DIAPH1: variants seen among roughly 807,000 people sequenced by gnomAD.
DIAPH1 encodes the protein protein diaphanous homolog 1.
DIAPH1 carries 46 observed loss-of-function variants against 140.7 expected under a neutral mutation model. The ratio of observed to expected loss-of-function variants is 0.33; its 90% CI spans 0.26 to 0.42. The LOEUF is 0.42. Ranked by LOEUF, DIAPH1 falls within the 10% of genes least tolerant of loss-of-function variation. The pLI is 1.00. For missense variants in DIAPH1, 1,310 were observed against 1,558.7 expected (o/e 0.84, Z 2.69); for synonymous variants, 565 against 551.6 (o/e 1.02, Z -0.34).
At chr5:141,588,323 A>G (rs1190696240) in intron 1 of DIAPH1, 73 bp from the exon 2 acceptor site, 4 of 1,132,228 alleles carry the variant, frequency 3.5e-6, no homozygotes, top group Non-Finnish European at 5.4e-6. Context: ...CCCAAACACC[A>G]GACGGGTTGG....
intron 18 of DIAPH1, 67 bp downstream of exon 18, chr5:141,571,361 T>C: frequency 7.7e-7 from 1 of 1,305,456 alleles, no homozygotes; most frequent in South Asian, 1.3e-5. Flanking sequence ...GAAATTCCTT[T>C]ATATCTATTT....
chr5:141,583,156 G>C (rs779061714), intron 6 of DIAPH1, 50 bp downstream of exon 6: 2 of 1,502,550 alleles, frequency 1.3e-6, no homozygotes, highest in African/African-American at 2.8e-5. Context: ...AAATAGCCAA[G>C]TCCCCTGTGA....
chr5:141,616,477 T>C (rs2099902694), intron 1 of DIAPH1, among the ~76,000 whole-genome samples: 1 of 152,174 alleles, frequency 6.6e-6, no homozygotes, highest in South Asian at 2.1e-4. Flanking sequence ...TTTTAGCCTA[T>C]AGTTCAAGAA....
chr5:141,568,021 C>A (rs1324283500), intron 18 of DIAPH1, among the ~76,000 whole-genome samples: 1 of 152,140 alleles, frequency 6.6e-6, no homozygotes, highest in Non-Finnish European at 1.5e-5. Context: ...CATAACACAC[C>A]TCTTACTTTA....
intron 6 of DIAPH1, 125 bp downstream of exon 6, chr5:141,583,081 T>A (rs2099897016): frequency 1.2e-6 from 1 of 857,650 alleles, no homozygotes; most frequent in Non-Finnish European, 2.0e-6. Context: ...AAACCCCTTC[T>A]TGGCTAACAG....
At chr5:141,581,710 A>G (rs957776439) in intron 7 of DIAPH1, among the ~76,000 whole-genome samples, 9 of 152,170 alleles carry the variant, frequency 5.9e-5, no homozygotes, top group African/African-American at 2.2e-4. Flanking sequence ...TAAAGCAAAT[A>G]TTGCAGAGAC....
Position 141,527,560 on chromosome 5 carries a change from C to T in DIAPH1, c.3273+13G>A. On this transcript the variant is annotated intron_variant, in intron 24 of 27. Transcript: ENST00000389054. ...TTCCTAGGGAACAACTCCCTCCTTTCAAGAGAGGATATGGTCATTTTTTCA... is the reference window on the plus strand; with the variant it reads ...TTCCTAGGGAACAACTCCCTCCTTTTAAGAGAGGATATGGTCATTTTTTCA... The T allele has an allele frequency of 6.2e-7, 1 of 1,613,582 alleles. No individual in the cohort carries two copies.
chr5:141,525,768 A>G (rs1365814612), intron 26 of DIAPH1, among the ~76,000 whole-genome samples: 2 of 152,224 alleles, frequency 1.3e-5, no homozygotes, highest in African/African-American at 2.4e-5. Flanking sequence ...AAAACAGTAT[A>G]TATCACAGCA....
intron 18 of DIAPH1, chr5:141,561,903 AAGGT>A (rs1161103118): frequency 6.6e-6 from 1 of 152,262 alleles, no homozygotes; most frequent in Non-Finnish European, 1.5e-5. Flanking sequence ...AGAAAAAAAT[AAGGT>A]AGGCCACTCC....
At chr5:141,592,869 T>C (rs1437340981) in intron 1 of DIAPH1, among the ~76,000 whole-genome samples, 2 of 152,210 alleles carry the variant, frequency 1.3e-5, no homozygotes, top group East Asian at 1.9e-4. Flanking sequence ...TCCAGATTAA[T>C]AGGAACTTTC....
In DIAPH1 at chr5:141,526,085, C is replaced by G. The variant is rs769436448; in HGVS notation, c.3527G>C (p.Arg1176Pro). 3 of 1,613,944 alleles carry G rather than the reference C, an allele frequency of 1.9e-6. No homozygotes were observed. The highest frequency in any genetic ancestry group is 8.5e-7 in the Non-Finnish European group (1 of 1,180,038). ...KLAKEKAEKE[R>P]LEKQQKREQL... ...CTCTCTCTTCTGCTGCTTCTCTAGC[C>G]GCTCCTTCTCTGCCTTCTCCTTGGC... is the stretch of plus-strand genomic sequence containing the variant. Residue 1176 changes from arginine to proline, a missense_variant, in exon 26 of 28, where the codon CGG (arginine) becomes CCG (proline). Physicochemically the swap from Arg to Pro is moderately radical, Grantham distance 103. Transcript: ENST00000389054.
chr5:141,567,913 TA>T (rs1562315566), intron 18 of DIAPH1, among the ~76,000 whole-genome samples: 1 of 152,232 alleles, frequency 6.6e-6, no homozygotes, highest in Non-Finnish European at 1.5e-5. Flanking sequence ...TATTTTTTAA[TA>T]AAATTCTCAA....
chr5:141,582,392 T>C lies in DIAPH1; in HGVS notation c.621-17A>G, dbSNP rs1233884116. On this transcript the variant is annotated splice_polypyrimidine_tract_variant and intron_variant, in intron 6 of 27. Coordinates refer to ENST00000389054, the MANE Select transcript of DIAPH1 (RefSeq NM_005219.5). ...TCGTAACTCCTGTATATAGAAGACA[T>C]AATCAGTGAGGTCCCTTTATTCTCT... 7 of 1,592,926 alleles carry C rather than the reference T, an allele frequency of 4.4e-6. No individual in the cohort carries two copies. Among genetic ancestry groups the C allele is most frequent in the Non-Finnish European group, 6.0e-6 (7 of 1,160,672 alleles).
intron 1 of DIAPH1, among the ~76,000 whole-genome samples, chr5:141,592,531 G>C (rs937077295): frequency 1.3e-5 from 2 of 152,002 alleles, no homozygotes; most frequent in Non-Finnish European, 2.9e-5. Context: ...AAAAACACAG[G>C]AGTCCAGGGA....
In DIAPH1 at chr5:141,573,999, A is replaced by C. The variant is rs1562321098; in HGVS notation, c.1851T>G (p.Pro617=). 1 of 976,364 alleles carries C rather than the reference A, an allele frequency of 1.0e-6. No homozygotes were observed. Among genetic ancestry groups the C allele is most frequent in the Non-Finnish European group, 1.3e-6 (1 of 759,598 alleles). The allele number at this position is 976,364 out of a possible 1,614,324, so 60.5% of individuals were successfully genotyped here. A position where few individuals can be genotyped will look rare whatever the true frequency, so the allele number is the denominator to read the frequency against. The change falls in exon 16 of 28, where the codon CCT becomes CCG. Residue 617 remains proline, a synonymous_variant. Coordinates refer to ENST00000389054, the MANE Select transcript of DIAPH1 (RefSeq NM_005219.5). The part of the protein sequence containing the change: ...TPPPPPPPPP[P]PPPLPGGVCI... ...AAACACCCCCAGGCAAAGGAGGTGG[A>C]GGAGGAGGAGGAGGAGGAGGAGGAG...
intron 7 of DIAPH1, chr5:141,581,903 T>TA (rs574522751): frequency 4.9e-5 from 8 of 162,872 alleles, no homozygotes; most frequent in South Asian, 1.5e-4. Flanking sequence ...AAATAAAAAT[T>TA]AAAAAAAATA....
intron 3 of DIAPH1, among the ~76,000 whole-genome samples, chr5:141,586,611 T>C (rs1486555892): frequency 2.0e-5 from 3 of 152,238 alleles, no homozygotes; most frequent in Non-Finnish European, 2.9e-5. Flanking sequence ...GTATTTTCTT[T>C]CCAGATTCAC....
At chr5:141,613,277 T>G (rs1422564014) in intron 1 of DIAPH1, among the ~76,000 whole-genome samples, 21 of 152,236 alleles carry the variant, frequency 1.4e-4, no homozygotes, top group Non-Finnish European at 8.8e-5. Flanking sequence ...AAGGGCAAAC[T>G]GACTCTCCCT....
intron 18 of DIAPH1, among the ~76,000 whole-genome samples, chr5:141,549,855 C>T (rs1054878910): frequency 9.9e-5 from 15 of 152,046 alleles, no homozygotes; most frequent in African/African-American, 3.1e-4. Flanking sequence ...CAAAATAAGA[C>T]GGTAGATTTA....
Sources: gnomAD v4.1 joint callset for allele counts (sites outside exome capture counted in the v4.1 genomes callset) on GRCh38, gnomAD v4.1.1 for gene constraint, MANE v1.5 for transcripts, NCBI Gene and HGNC (gene_info 2026-07-23, HGNC 2026-07-21) for gene names.